The following CNOT4 variants were observed in gnomAD, a reference collection of about 807,000 sequenced individuals.
CNOT4 encodes the protein CCR4-associated factor 4.
In CNOT4, 8 loss-of-function variants were observed where a neutral mutation model predicts 73.8. The ratio of observed to expected loss-of-function variants is 0.11; its 90% CI spans 0.06 to 0.20. The LOEUF (loss-of-function observed/expected upper bound fraction) is 0.20. Among genes scored for constraint, CNOT4 ranks in the 10% least tolerant of loss-of-function variants. The pLI is 1.00. For missense variants in CNOT4, 564 were observed against 883.4 expected (o/e 0.64, Z 4.58); for synonymous variants, 293 against 321.1 (o/e 0.91, Z 0.94).
intron 10 of CNOT4, among the ~76,000 whole-genome samples, chr7:135,393,556 C>G (rs1344240576): frequency 1.3e-5 from 2 of 152,078 alleles, no homozygotes; most frequent in African/African-American, 2.4e-5. Context: ...AACCATTTTA[C>G]TTTAGAATAT....
At position 135,387,523 on chromosome 7, in the gene CNOT4, C is replaced by CT. The variant is rs920227194; in HGVS notation, c.1627+6394dup. On this transcript the variant is annotated intron_variant, in intron 10 of 11. Transcript: ENST00000541284. ...ATTATTATTTTCAATCTCTAGGCTTCTTTTTTGTATTCACATTATCCCCTT... is the reference window on the plus strand; with the variant it reads ...ATTATTATTTTCAATCTCTAGGCTTCTTTTTTTGTATTCACATTATCCCCTT... 7.0e-5 allele frequency: 68 copies of CT among 972,366 alleles called. No individual in the cohort carries two copies. The African/African-American group carries it at 1.1e-3, about 16-fold the overall frequency. The allele number at this position is 972,366 out of a possible 1,614,324, so 60.2% of individuals were successfully genotyped here. A position where few individuals can be genotyped will look rare whatever the true frequency, so the allele number is the denominator to read the frequency against.
chr7:135,429,971 A>T (rs990793638), intron 2 of CNOT4, among the ~76,000 whole-genome samples: 12 of 152,228 alleles, frequency 7.9e-5, no homozygotes, highest in African/African-American at 2.7e-4. Flanking sequence ...TACCACAAAG[A>T]TGGAGTTAGT....
At chr7:135,495,679 A>G (rs1803455607) in intron 1 of CNOT4, among the ~76,000 whole-genome samples, 1 of 94,658 alleles carries the variant, frequency 1.1e-5, no homozygotes, top group Non-Finnish European at 2.2e-5. Context: ...CAAAAAAAAA[A>G]AAAAAAAAAA....
Position 135,362,566 on chromosome 7 carries a change from A to G in CNOT4, c.*319T>C. Reference sequence around the variant, plus strand: ...TTTCTGCTAAGCAGATTATGTCATTATTATGCGCAACAGACAAACAATAAT... The same window carrying G: ...TTTCTGCTAAGCAGATTATGTCATTGTTATGCGCAACAGACAAACAATAAT... On this transcript the variant is annotated 3_prime_UTR_variant, in exon 12 of 12. Coordinates refer to ENST00000541284, the MANE Select transcript of CNOT4 (RefSeq NM_001190850.2). The G allele has an allele frequency of 2.2e-6, 1 of 451,636 alleles. No individual in the cohort carries two copies. Among genetic ancestry groups the G allele is most frequent in the East Asian group, 4.6e-5 (1 of 21,834 alleles). 28.0% of individuals were successfully genotyped at this position (451,636 alleles called of 1,614,324 possible).
At chr7:135,477,999 T>C (rs1460348406) in intron 1 of CNOT4, among the ~76,000 whole-genome samples, 1 of 152,180 alleles carries the variant, frequency 6.6e-6, no homozygotes, top group African/African-American at 2.4e-5. Flanking sequence ...TGCACAAATA[T>C]GTATTTATTA....
At chr7:135,446,041 C>T (rs1384045968) in intron 1 of CNOT4, among the ~76,000 whole-genome samples, 4 of 152,088 alleles carry the variant, frequency 2.6e-5, no homozygotes, top group Non-Finnish European at 5.9e-5. Flanking sequence ...ACCACCACAC[C>T]CAGCTAATTT....
chr7:135,407,498 A>T, intron 7 of CNOT4, among the ~76,000 whole-genome samples: 1 of 152,214 alleles, frequency 6.6e-6, no homozygotes, highest in Non-Finnish European at 1.5e-5. Context: ...AGACATCCCC[A>T]TGAAAGTAAG....
chr7:135,473,819 A>C (rs2129486876), intron 1 of CNOT4, among the ~76,000 whole-genome samples: 1 of 152,294 alleles, frequency 6.6e-6, no homozygotes, highest in East Asian at 1.9e-4. Flanking sequence ...GTGACTGTCA[A>C]ATTGCAGGAT....
rs187564218 is a variant in CNOT4 at position 135,363,202 on chromosome 7, A to G, written c.1841-16T>C. The G allele has an allele frequency of 2.3e-5, 37 of 1,610,904 alleles. 1 individual carries two copies. In the Admixed American group the frequency reaches 5.7e-4, roughly 25 times the overall value. On this transcript the variant is annotated splice_polypyrimidine_tract_variant and intron_variant, in intron 11 of 11. Transcript: ENST00000541284. The surrounding 1 kb of genome is among the most constrained non-coding windows in gnomAD (Gnocchi z 4.3). ...GCTGGAATACCTAAGGAGAGAAAAGAAAAAAGAGGGAAAATGGTGAGTTTG... is the reference window on the plus strand; with the variant it reads ...GCTGGAATACCTAAGGAGAGAAAAGGAAAAAGAGGGAAAATGGTGAGTTTG...
At chr7:135,371,615 C>T (rs1264398562) in intron 10 of CNOT4, among the ~76,000 whole-genome samples, 1 of 151,936 alleles carries the variant, frequency 6.6e-6, no homozygotes. Flanking sequence ...CTAGAATGTT[C>T]CTATAAGGAT....
chr7:135,416,097 C>T (rs1228190047), intron 3 of CNOT4, among the ~76,000 whole-genome samples: 1 of 152,064 alleles, frequency 6.6e-6, no homozygotes, highest in Non-Finnish European at 1.5e-5. Context: ...ATTCTGTTTT[C>T]CTAGAATGTA....
intron 10 of CNOT4, among the ~76,000 whole-genome samples, chr7:135,390,577 G>A (rs1025740948): frequency 1.3e-5 from 2 of 151,712 alleles, no homozygotes; most frequent in Admixed American, 6.6e-5. Flanking sequence ...CCTAATTAAG[G>A]AAATAACTAC....
chr7:135,419,188 C>A (rs916266907), intron 3 of CNOT4, among the ~76,000 whole-genome samples: 6 of 152,026 alleles, frequency 3.9e-5, no homozygotes, highest in Admixed American at 3.3e-4. Flanking sequence ...GACAATCAAT[C>A]TTGGTATGAA....
chr7:135,478,544 A>G lies in CNOT4; in HGVS notation c.-93+31345T>C, dbSNP rs142277931. On this transcript the variant is annotated intron_variant, in intron 1 of 11. Coordinates refer to ENST00000541284, the MANE Select transcript of CNOT4 (RefSeq NM_001190850.2). ...TGGGGAGACCCTGTCTTTACAAAAA[A>G]TACAAATATTAGCCAGGCATGGTGG... Among the ~76,000 whole-genome samples the G allele has an allele frequency of 5.2e-3, 791 of 152,252 alleles. 6 individuals carry two copies. Among genetic ancestry groups the G allele is most frequent in the Middle Eastern group, 0.027 (8 of 294 alleles).
At chr7:135,393,251 C>A (rs1344491964) in intron 10 of CNOT4, among the ~76,000 whole-genome samples, 1 of 152,180 alleles carries the variant, frequency 6.6e-6, no homozygotes, top group East Asian at 1.9e-4. Flanking sequence ...AGTATTTTGG[C>A]ATCAAACTTA....
intron 3 of CNOT4, among the ~76,000 whole-genome samples, chr7:135,417,938 T>C (rs1006796985): frequency 1.3e-5 from 2 of 152,254 alleles, no homozygotes; most frequent in South Asian, 4.1e-4. Context: ...CTATCCCTTG[T>C]GCCTTTACAG....
chr7:135,405,889 T>G (rs528354993), intron 7 of CNOT4, among the ~76,000 whole-genome samples: 1 of 152,322 alleles, frequency 6.6e-6, no homozygotes, highest in Non-Finnish European at 1.5e-5. Flanking sequence ...GGTTCCAGGC[T>G]TTGCTTTCTT....
At chr7:135,369,399 C>T (rs927543811) in intron 10 of CNOT4, among the ~76,000 whole-genome samples, 8 of 152,110 alleles carry the variant, frequency 5.3e-5, no homozygotes, top group East Asian at 3.9e-4. Context: ...ACACCCTTAC[C>T]GGGAAGCAGT....
intron 1 of CNOT4, among the ~76,000 whole-genome samples, chr7:135,496,640 C>T (rs1240123602): frequency 2.6e-5 from 4 of 152,036 alleles, no homozygotes; most frequent in Admixed American, 1.3e-4. Flanking sequence ...TCCTCTCTCT[C>T]TCTCTCTCTC....
Sources: allele counts gnomAD v4.1 joint callset (sites outside exome capture counted in the v4.1 genomes callset), GRCh38; gene constraint gnomAD v4.1.1; non-coding constraint Gnocchi (gnomAD v3.1); transcripts MANE v1.5; gene names NCBI Gene and HGNC (gene_info 2026-07-23, HGNC 2026-07-21).